The following BMPR1B variants were observed in gnomAD, a reference collection of about 807,000 sequenced individuals.
BMPR1B encodes the protein bone morphogenetic protein receptor type-1B.
BMPR1B carries 12 observed loss-of-function variants against 59.1 expected under a neutral mutation model. The ratio of observed to expected loss-of-function variants is 0.20; its 90% CI spans 0.13 to 0.33. The LOEUF is 0.33. Among genes scored for constraint, BMPR1B ranks in the 10% least tolerant of loss-of-function variants. The probability of loss-of-function intolerance (pLI) is 1.00; values close to 1 mark genes in which losing one functional copy is unlikely to be tolerated. For synonymous variants in BMPR1B, 237 were observed against 207.3 expected, an observed-to-expected ratio of 1.14 and a Z score of -1.23; for missense variants, 550 against 610.9, an observed-to-expected ratio of 0.90 and a Z score of 1.05.
intron 12 of BMPR1B, 113 bp downstream of exon 12, chr4:95,152,886 T>A: frequency 7.7e-7 from 1 of 1,305,472 alleles, no homozygotes; most frequent in Non-Finnish European, 1.1e-6. Flanking sequence ...ATGGTGATGG[T>A]GATGGCGCCT....
intron 1 of BMPR1B, among the ~76,000 whole-genome samples, chr4:94,766,378 C>T (rs1240410276): frequency 6.6e-6 from 1 of 150,822 alleles, no homozygotes; most frequent in Non-Finnish European, 1.5e-5. Flanking sequence ...ATTATCTCAC[C>T]CATCATAGAA....
intron 2 of BMPR1B, among the ~76,000 whole-genome samples, chr4:94,946,031 C>T (rs528103698): frequency 6.6e-5 from 10 of 151,976 alleles, no homozygotes; most frequent in Middle Eastern, 3.4e-3. Context: ...ATTCCTGAGA[C>T]GGGAAAATTT....
At chr4:94,784,293 G>T (rs1039572282) in intron 1 of BMPR1B, among the ~76,000 whole-genome samples, 3 of 152,212 alleles carry the variant, frequency 2.0e-5, no homozygotes. Context: ...ATGGAATGAG[G>T]TTGGGAGTGT....
At chr4:95,145,712 G>T (rs1448415775) in intron 10 of BMPR1B, among the ~76,000 whole-genome samples, 9 of 152,184 alleles carry the variant, frequency 5.9e-5, no homozygotes, top group Admixed American at 4.6e-4. Context: ...AGGGAAGAAG[G>T]GGCAGAGCTA....
intron 2 of BMPR1B, among the ~76,000 whole-genome samples, chr4:94,937,447 C>T (rs997871218): frequency 6.6e-6 from 1 of 152,128 alleles, no homozygotes; most frequent in Non-Finnish European, 1.5e-5. Flanking sequence ...TTCTCTTAAT[C>T]CTCATCCCTC....
At chr4:94,951,512 C>T (rs1002685154) in intron 2 of BMPR1B, among the ~76,000 whole-genome samples, 2 of 152,220 alleles carry the variant, frequency 1.3e-5, no homozygotes, top group Middle Eastern at 3.4e-3. Context: ...AAGGCCTTTT[C>T]TGCATCTGTT....
chr4:95,097,677 ACAGGCATGTGCC>A, intron 3 of BMPR1B, among the ~76,000 whole-genome samples: 1 of 152,160 alleles, frequency 6.6e-6, no homozygotes, highest in Admixed American at 6.5e-5. Flanking sequence ...AGCTGGGACT[ACAGGCATGTGCC>A]ACCATGCCCA....
At chr4:94,983,810 G>A in intron 2 of BMPR1B, among the ~76,000 whole-genome samples, 1 of 152,140 alleles carries the variant, frequency 6.6e-6, no homozygotes, top group Admixed American at 6.6e-5. Flanking sequence ...TTATCTCATG[G>A]CCTTTGCCGT....
At chr4:94,807,356 T>C (rs915096494) in intron 1 of BMPR1B, among the ~76,000 whole-genome samples, 1 of 152,128 alleles carries the variant, frequency 6.6e-6, no homozygotes, top group Non-Finnish European at 1.5e-5. Flanking sequence ...GCTTCCTAAA[T>C]TGCTGGGATT....
intron 3 of BMPR1B, among the ~76,000 whole-genome samples, chr4:95,016,973 A>G (rs1289336571): frequency 1.3e-5 from 2 of 152,208 alleles, no homozygotes; most frequent in Non-Finnish European, 2.9e-5. Context: ...AGACAACAGT[A>G]GGGAGAAAAG....
At chr4:95,036,462 C>A (rs551594519) in intron 3 of BMPR1B, among the ~76,000 whole-genome samples, 1 of 152,192 alleles carries the variant, frequency 6.6e-6, no homozygotes, top group African/African-American at 2.4e-5. Context: ...TGAGAACATG[C>A]AAAGTTTGTC....
chr4:95,015,304 C>G (rs1339011267), intron 3 of BMPR1B, among the ~76,000 whole-genome samples: 1 of 152,104 alleles, frequency 6.6e-6, no homozygotes, highest in Non-Finnish European at 1.5e-5. Context: ...TTTTAATGTT[C>G]TTTGTAGTGA....
chr4:94,917,564 C>A (rs1212430972), intron 2 of BMPR1B, among the ~76,000 whole-genome samples: 1 of 152,192 alleles, frequency 6.6e-6, no homozygotes, highest in Non-Finnish European at 1.5e-5. Flanking sequence ...TTCTTTTGGC[C>A]AGTCTCTCCC....
Position 95,036,399 on chromosome 4 carries a change from A to G in BMPR1B, c.-18+40265A>G, listed in dbSNP as rs181543143. ...TAGTCTCTGGTAACAAACATCCTAT[A>G]CCCTTTTTGTCCACGAAGTTCATCG... On this transcript the variant is annotated intron_variant, in intron 3 of 12. Coordinates refer to ENST00000515059, the MANE Select transcript of BMPR1B (RefSeq NM_001203.3). Among the ~76,000 whole-genome samples, 310 of 152,070 alleles carry G rather than the reference A, an allele frequency of 2.0e-3. 2 individuals carry two copies. The highest frequency in any genetic ancestry group is 5.0e-3 in the Admixed American group (76 of 15,284).
chr4:94,925,959 T>C (rs1251038379), intron 2 of BMPR1B, among the ~76,000 whole-genome samples: 7 of 151,564 alleles, frequency 4.6e-5, no homozygotes, highest in Admixed American at 2.6e-4. Flanking sequence ...CATTTCTCCT[T>C]CCTTCCTCCC....
In BMPR1B at chr4:95,131,349, G is replaced by A. The variant is rs765766633; in HGVS notation, c.913G>A (p.Ala305Thr). ...AGACGCTAAATCAATGCTGAAGTTA[G>A]CCTACTCTTCTGTCAGTGGCTTATG... ...TLDAKSMLKL[A>T]YSSVSGLCHL... Residue 305 changes from alanine (A) to threonine (T), a missense_variant, in exon 10 of 13, where the codon GCC (alanine) becomes ACC (threonine). By Grantham distance (58) the Ala-to-Thr change is moderately conservative (BLOSUM62 0). Around this residue, in one of 6 missense-constraint regions of BMPR1B, gnomAD observed 318 missense variants for 284.6 expected, o/e 1.12. Transcript: ENST00000515059. 62 of 1,613,792 alleles carry A rather than the reference G, an allele frequency of 3.8e-5. No individual in the cohort carries two copies. The highest frequency in any genetic ancestry group is 5.3e-5 in the Non-Finnish European group (62 of 1,179,996).
rs552713173 is a variant in BMPR1B at position 94,771,900 on chromosome 4, A to G, written c.-183+13832A>G. On this transcript the variant is annotated intron_variant, in intron 1 of 12. Transcript: ENST00000515059. ...TGAAATGATATTTTTAAACTTAAAA[A>G]TTATTTTGAAGGAAGCACTGTGACA... Among the ~76,000 whole-genome samples, 15 of 152,304 alleles carry G rather than the reference A, an allele frequency of 9.8e-5. No homozygotes were observed. The South Asian group carries it at 1.9e-3, about 19-fold the overall frequency.
chr4:94,992,000 C>G (rs913277574), intron 2 of BMPR1B, among the ~76,000 whole-genome samples: 4 of 152,138 alleles, frequency 2.6e-5, no homozygotes, highest in African/African-American at 9.7e-5. Flanking sequence ...ACACAGATAT[C>G]TAAAGTTCAT....
chr4:94,826,611 T>C (rs1578687319), intron 1 of BMPR1B, among the ~76,000 whole-genome samples: 1 of 152,152 alleles, frequency 6.6e-6, no homozygotes, highest in Middle Eastern at 3.4e-3. Context: ...GTAGGGAGAA[T>C]CTCAGGAATA....
Sources: allele counts gnomAD v4.1 joint callset (sites outside exome capture counted in the v4.1 genomes callset), GRCh38; gene constraint gnomAD v4.1.1; regional missense constraint gnomAD v4.1.1; transcripts MANE v1.5; gene names NCBI Gene and HGNC (gene_info 2026-07-23, HGNC 2026-07-21).